PTPN20: variants seen among roughly 807,000 people sequenced by gnomAD.
PTPN20 encodes the protein protein tyrosine phosphatase non-receptor type 20, also known as tyrosine-protein phosphatase non-receptor type 20.
A neutral mutation model predicts 35.0 loss-of-function variants in PTPN20; 9 were observed. The observed-to-expected ratio is 0.26, with a 90% CI of 0.15 to 0.45. PTPN20 has a LOEUF of 0.45. PTPN20 is among the 20% of genes least tolerant of loss of function. The pLI is 1.00. For missense variants in PTPN20, 111 were observed against 312.5 expected (o/e 0.36, Z 4.86); for synonymous variants, 32 against 100.2 (o/e 0.32, Z 4.06).
At chr10:46,993,510 C>T (rs574962343) in intron 9 of PTPN20, among the ~76,000 whole-genome samples, 1 of 152,306 alleles carries the variant, frequency 6.6e-6, no homozygotes, top group South Asian at 2.1e-4. Flanking sequence ...GCTGATGTGG[C>T]ACCCATAGCC....
chr10:46,923,624 T>A (rs1315275862), intron 1 of PTPN20, among the ~76,000 whole-genome samples: 1 of 151,586 alleles, frequency 6.6e-6, no homozygotes, highest in Non-Finnish European at 1.5e-5. Flanking sequence ...AATCTTGTAT[T>A]ATCTGTCTTC....
In PTPN20 at chr10:47,000,671, T is replaced by C. The variant is rs2059940047; in HGVS notation, c.1198-5T>C. The C allele has an allele frequency of 6.2e-7, 1 of 1,613,286 alleles. No individual in the cohort carries two copies. Among genetic ancestry groups the C allele is most frequent in the Admixed American group, 1.7e-5 (1 of 59,974 alleles). ...TTCTGTTGTTTTTTATATATATGTATATAGGAGCAGTATCACTTTTGTTAC... is the reference window on the plus strand; with the variant it reads ...TTCTGTTGTTTTTTATATATATGTACATAGGAGCAGTATCACTTTTGTTAC... On this transcript the variant is annotated splice_region_variant and splice_polypyrimidine_tract_variant and intron_variant, in intron 10 of 10. Transcript: ENST00000374339.
At chr10:46,945,681 C>G (rs1250359577) in intron 4 of PTPN20, among the ~76,000 whole-genome samples, 1 of 151,938 alleles carries the variant, frequency 6.6e-6, no homozygotes, top group Non-Finnish European at 1.5e-5. Flanking sequence ...GAGGATTTTG[C>G]TAGGTAGGGT....
chr10:46,956,973 CTTTTT>C (rs1168820960), intron 5 of PTPN20, among the ~76,000 whole-genome samples: 1 of 86,456 alleles, frequency 1.2e-5, no homozygotes, highest in African/African-American at 5.5e-5. Context: ...TATTTTATTT[CTTTTT>C]ATATATTATT....
intron 7 of PTPN20, among the ~76,000 whole-genome samples, chr10:46,976,067 C>T (rs2053488500): frequency 6.9e-6 from 1 of 144,762 alleles, no homozygotes; most frequent in African/African-American, 2.5e-5. Context: ...CCTCAGCTTC[C>T]CAAGTAGTTG....
At position 47,002,117 on chromosome 10, in the gene PTPN20, ATT is replaced by A. The variant is rs1480550722; in HGVS notation, c.*1378_*1379del. On this transcript the variant is annotated 3_prime_UTR_variant, in exon 11 of 11. Coordinates refer to ENST00000374339, the MANE Select transcript of PTPN20 (RefSeq NM_001042357.5). ...AAAAATAATTATATGCCAAAAATATATTTGATGTTAAATCAAATAGATGATTC... is the reference window on the plus strand; with the variant it reads ...AAAAATAATTATATGCCAAAAATATATGATGTTAAATCAAATAGATGATTC... 2.0e-5 allele frequency: 3 copies of A among 152,228 alleles called. No individual in the cohort carries two copies. The highest frequency in any genetic ancestry group is 4.4e-5 in the Non-Finnish European group (3 of 67,976). The allele number at this position is 152,228 out of a possible 1,614,324, so 9.4% of individuals were successfully genotyped here.
chr10:46,976,635 G>A (rs1589760422), intron 7 of PTPN20, among the ~76,000 whole-genome samples: 1 of 138,328 alleles, frequency 7.2e-6, no homozygotes, highest in Non-Finnish European at 1.6e-5. Flanking sequence ...AATGTTACCA[G>A]GTATGCTTCA....
At position 46,940,604 on chromosome 10, in the gene PTPN20, T is replaced by A. The variant is rs1234614777; in HGVS notation, c.35-19T>A. ...TAGTGTTTTCTATTTGATCAGTTTT[T>A]CCCCCCGCCTTTGTTCAGTAAACGA... On this transcript the variant is annotated intron_variant, in intron 2 of 10. Transcript: ENST00000374339. 6.2e-7 allele frequency: 1 copy of A among 1,600,006 alleles called. No homozygotes were observed. Among genetic ancestry groups the A allele is most frequent in the Non-Finnish European group, 8.5e-7 (1 of 1,170,712 alleles).
At chr10:46,951,655 CAT>C (rs2046726343) in intron 5 of PTPN20, among the ~76,000 whole-genome samples, 2 of 150,696 alleles carry the variant, frequency 1.3e-5, no homozygotes, top group African/African-American at 4.9e-5. Context: ...TATTTTCTTT[CAT>C]ATGACTGGAC....
intron 9 of PTPN20, among the ~76,000 whole-genome samples, chr10:46,991,780 G>C (rs868914212): frequency 7.3e-4 from 107 of 147,578 alleles, no homozygotes; most frequent in African/African-American, 2.6e-3. Flanking sequence ...GTAAGTTTCT[G>C]CTGAGAGGTC....
At chr10:46,953,829 T>C (rs1361249528) in intron 5 of PTPN20, among the ~76,000 whole-genome samples, 2 of 146,600 alleles carry the variant, frequency 1.4e-5, no homozygotes, top group Non-Finnish European at 3.0e-5. Flanking sequence ...CCTGAAGACT[T>C]TTTTTGTGTT....
chr10:46,941,878 A>C (rs2043634678), intron 3 of PTPN20, among the ~76,000 whole-genome samples: 1 of 87,310 alleles, frequency 1.1e-5, no homozygotes, highest in Non-Finnish European at 2.1e-5. Flanking sequence ...TGTTTCATGA[A>C]ACAATTTGAT....
chr10:46,983,064 G>T (rs1319191306), intron 7 of PTPN20, among the ~76,000 whole-genome samples: 1 of 122,888 alleles, frequency 8.1e-6, no homozygotes, highest in Admixed American at 8.2e-5. Context: ...TATATATCTA[G>T]CTTTTTTTTT....
At chr10:46,998,949 A>G (rs1381820652) in intron 9 of PTPN20, among the ~76,000 whole-genome samples, 1 of 152,112 alleles carries the variant, frequency 6.6e-6, no homozygotes, top group East Asian at 1.9e-4. Flanking sequence ...AATAAAAATA[A>G]AAAAGTTAGC....
intron 2 of PTPN20, among the ~76,000 whole-genome samples, chr10:46,937,740 A>T (rs1375000746): frequency 6.6e-6 from 1 of 152,020 alleles, no homozygotes; most frequent in Non-Finnish European, 1.5e-5. Flanking sequence ...CCTTTTAAAA[A>T]TTTATAATAG....
chr10:46,937,792 A>G (rs1220990769), intron 2 of PTPN20, among the ~76,000 whole-genome samples: 1 of 151,944 alleles, frequency 6.6e-6, no homozygotes, highest in Non-Finnish European at 1.5e-5. Context: ...TGTCATTTCT[A>G]AGTACATTTC....
chr10:46,959,066 A>G (rs1362117925), intron 5 of PTPN20, among the ~76,000 whole-genome samples: 4 of 144,966 alleles, frequency 2.8e-5, no homozygotes, highest in African/African-American at 1.0e-4. Context: ...CCCTTTTCTT[A>G]CTTCTGTCTA....
chr10:46,955,170 A>C (rs1290102084), intron 5 of PTPN20: 1 of 149,196 alleles, frequency 6.7e-6, no homozygotes, highest in Non-Finnish European at 1.5e-5. Context: ...GAGGGACAAC[A>C]GTAGTACAAG....
intron 4 of PTPN20, among the ~76,000 whole-genome samples, chr10:46,945,186 A>G (rs1439828147): frequency 2.0e-5 from 3 of 149,948 alleles, no homozygotes; most frequent in Non-Finnish European, 4.4e-5. Context: ...TGGGCTGGAG[A>G]GGGAAGTAAT....
Sources: allele counts gnomAD v4.1 joint callset (sites outside exome capture counted in the v4.1 genomes callset), GRCh38; gene constraint gnomAD v4.1.1; transcripts MANE v1.5; gene names NCBI Gene and HGNC (gene_info 2026-07-23, HGNC 2026-07-21).